The following UGT3A2 variants were observed in gnomAD, a reference collection of about 807,000 sequenced individuals.
The protein encoded by UGT3A2 is UDP glycosyltransferase family 3 member A2, also known as UDP-glycosyltransferase 3A2.
Under a neutral mutation model 39.8 loss-of-function variants are expected in UGT3A2, and 32 were observed. The observed-to-expected ratio is 0.80, with a 90% confidence interval of 0.61 to 1.08. UGT3A2 has a LOEUF of 1.08. UGT3A2 is among the 50% of genes least tolerant of loss of function. The probability of loss-of-function intolerance (pLI) is 0.00; values close to 1 mark genes in which losing one functional copy is unlikely to be tolerated. For missense variants in UGT3A2, 611 were observed against 637.1 expected, an observed-to-expected ratio of 0.96 and a Z score of 0.44; for synonymous variants, 241 against 230.7, an observed-to-expected ratio of 1.04 and a Z score of -0.40.
rs951247418 is a variant in UGT3A2 at position 36,035,636 on chromosome 5, G to T, written c.*62C>A. ...AGAATGGGGCTGCCAGAACTAGTGG[G>T]AAGCTCCCTAGAAATGGTGACATCG... On this transcript the variant is annotated 3_prime_UTR_variant, in exon 7 of 7. Transcript: ENST00000282507. 7.4e-5 allele frequency: 116 copies of T among 1,570,106 alleles called. No homozygotes were observed. The highest frequency in any genetic ancestry group is 9.5e-5 in the Non-Finnish European group (110 of 1,155,396).
At chr5:36,054,450 T>C (rs1742443493) in intron 2 of UGT3A2, among the ~76,000 whole-genome samples, 1 of 152,198 alleles carries the variant, frequency 6.6e-6, no homozygotes, top group Non-Finnish European at 1.5e-5. Flanking sequence ...AATTATATTA[T>C]CAATTCAAAG....
chr5:36,046,913 G>T (rs1417395325), intron 4 of UGT3A2, among the ~76,000 whole-genome samples: 2 of 152,148 alleles, frequency 1.3e-5, no homozygotes, highest in Non-Finnish European at 2.9e-5. Flanking sequence ...TGTTTTGAAA[G>T]GAAAATAAAT....
rs1437188185 is a variant in UGT3A2, at chr5:36,035,892, C to T, written c.1378G>A (p.Asp460Asn). ...GCGCCCCCTGTCTGGAGGACGTGGT[C>T]AATCCAGCCCACCAGCCGCTGTGTG... ...SPTQRLVGWI[D>N]HVLQTGGATH... is the part of the protein sequence containing the mutation. Residue 460 changes from aspartate to asparagine, a missense_variant, in exon 7 of 7, where the codon GAC becomes AAC. By Grantham distance (23) the Asp-to-Asn change is conservative (BLOSUM62 1). Transcript: ENST00000282507. The T allele has an allele frequency of 6.2e-7, 1 of 1,614,162 alleles. No homozygotes were observed. The highest frequency in any genetic ancestry group is 8.5e-7 in the Non-Finnish European group (1 of 1,180,022).
intron 4 of UGT3A2, among the ~76,000 whole-genome samples, chr5:36,040,376 C>T (rs1741969053): frequency 6.6e-6 from 1 of 152,154 alleles, no homozygotes; most frequent in Non-Finnish European, 1.5e-5. Flanking sequence ...AAATTAACAA[C>T]TATCCACAAG....
Position 36,037,932 on chromosome 5 carries a change from C to T in UGT3A2, c.1160G>A (p.Gly387Glu), listed in dbSNP as rs578176102. ...AGGCTGGTCTCCAAAGAGAGGGATC[C>T]CCACCATGGGCACACCATGCTGGAT... Reference protein sequence around the residue: ...EAIQHGVPMVGIPLFGDQPEN... With the variant: ...EAIQHGVPMVEIPLFGDQPEN... Residue 387 changes from glycine to glutamate, a missense_variant, in exon 6 of 7, where the codon GGG (glycine) becomes GAG (glutamate). Gly to Glu is a moderately conservative substitution (Grantham distance 98). Coordinates refer to ENST00000282507, the MANE Select transcript of UGT3A2 (RefSeq NM_174914.4). 2.4e-5 allele frequency: 38 copies of T among 1,614,142 alleles called. No individual in the cohort carries two copies. In the South Asian group the frequency reaches 4.2e-4, roughly 18 times the overall value.
chr5:36,052,582 C>T (rs1742380226), intron 2 of UGT3A2, among the ~76,000 whole-genome samples: 1 of 152,032 alleles, frequency 6.6e-6, no homozygotes, highest in South Asian at 2.1e-4. Flanking sequence ...TCTCTCTTAT[C>T]CCTGGTAGGA....
chr5:36,062,807 A>G (rs182291088), intron 2 of UGT3A2, among the ~76,000 whole-genome samples: 121 of 152,328 alleles, frequency 7.9e-4, no homozygotes, highest in African/African-American at 2.8e-3. Context: ...TGGGAGGCCA[A>G]GGCAGGAGGA....
intron 2 of UGT3A2, among the ~76,000 whole-genome samples, chr5:36,053,326 CA>C (rs1401669601): frequency 6.6e-6 from 1 of 152,170 alleles, no homozygotes; most frequent in Non-Finnish European, 1.5e-5. Context: ...TATTAAGAAA[CA>C]ATTATTGAGC....
intron 4 of UGT3A2, among the ~76,000 whole-genome samples, chr5:36,045,536 T>C (rs2111716775): frequency 6.7e-6 from 1 of 149,606 alleles, no homozygotes; most frequent in Admixed American, 6.7e-5. Flanking sequence ...GAGGTTGCAG[T>C]GAGCCAAGAT....
At chr5:36,058,736 C>T (rs746441109) in intron 2 of UGT3A2, among the ~76,000 whole-genome samples, 2 of 151,906 alleles carry the variant, frequency 1.3e-5, no homozygotes, top group African/African-American at 2.4e-5. Context: ...CCCTGGCCCC[C>T]TTCTTTATAA....
intron 2 of UGT3A2, among the ~76,000 whole-genome samples, chr5:36,059,361 CTTTT>C (rs35872759): frequency 1.7e-5 from 2 of 118,738 alleles, no homozygotes; most frequent in African/African-American, 3.2e-5. Flanking sequence ...TTTCTTTTCT[CTTTT>C]TTTTTTTTTT....
chr5:36,035,868 C>G lies in UGT3A2; in HGVS notation c.1402G>C (p.Ala468Pro). The change falls in exon 7 of 7, where the codon GCG (alanine) becomes CCG (proline). Residue 468 changes from alanine to proline, a missense_variant. Coordinates refer to ENST00000282507, the MANE Select transcript of UGT3A2 (RefSeq NM_174914.4). The part of the protein sequence containing the change: ...WIDHVLQTGG[A>P]THLKPYVFQQ... ...AAGACATAGGGCTTGAGGTGCGTCGCGCCCCCTGTCTGGAGGACGTGGTCA... is the reference window on the plus strand; with the variant it reads ...AAGACATAGGGCTTGAGGTGCGTCGGGCCCCCTGTCTGGAGGACGTGGTCA... 1.2e-6 allele frequency: 2 copies of G among 1,614,180 alleles called. No homozygotes were observed. The highest frequency in any genetic ancestry group is 1.6e-4 in the Middle Eastern group (1 of 6,062).
intron 4 of UGT3A2, among the ~76,000 whole-genome samples, chr5:36,040,479 G>A (rs889379440): frequency 6.6e-6 from 1 of 152,160 alleles, no homozygotes; most frequent in African/African-American, 2.4e-5. Flanking sequence ...TGAGAAGGTA[G>A]GAAAGACAGT....
chr5:36,036,278 G>A (rs1741828473), intron 6 of UGT3A2, among the ~76,000 whole-genome samples: 1 of 152,060 alleles, frequency 6.6e-6, no homozygotes, highest in Admixed American at 6.5e-5. Flanking sequence ...CATATACATG[G>A]AGCACCTCCA....
At chr5:36,051,740 A>G (rs111283991) in intron 3 of UGT3A2, 130 bp downstream of exon 3, 1 of 631,902 alleles carries the variant, frequency 1.6e-6, no homozygotes. Flanking sequence ...CCATCCGTCC[A>G]TCCATCCATC....
At chr5:36,053,624 G>A (rs754457854) in intron 2 of UGT3A2, among the ~76,000 whole-genome samples, 1 of 152,188 alleles carries the variant, frequency 6.6e-6, no homozygotes, top group Non-Finnish European at 1.5e-5. Context: ...TATCATGGCT[G>A]TTTCAGTTTC....
intron 2 of UGT3A2, among the ~76,000 whole-genome samples, chr5:36,058,550 T>C (rs1000771062): frequency 1.2e-4 from 19 of 152,046 alleles, no homozygotes; most frequent in Non-Finnish European, 2.9e-5. Flanking sequence ...GTGCAGTGCT[T>C]CTTGTGATTA....
Position 36,061,467 on chromosome 5 carries a change from A to C in UGT3A2, c.196+2782T>G, listed in dbSNP as rs200678924. Among the ~76,000 whole-genome samples the C allele has an allele frequency of 4.2e-4, 51 of 120,970 alleles. 1 individual carries two copies. Among genetic ancestry groups the C allele is most frequent in the African/African-American group, 1.5e-3 (48 of 31,018 alleles). The allele number at this position is 120,970 out of a possible 152,430, so 79.4% of individuals were successfully genotyped here. On this transcript the variant is annotated intron_variant, in intron 2 of 6. Coordinates refer to ENST00000282507, the MANE Select transcript of UGT3A2 (RefSeq NM_174914.4). ...CATGTGATCTCATTGTTCAATTCCC[A>C]CCTATAAGTGAGAATATGCGGTGTT...
intron 2 of UGT3A2, among the ~76,000 whole-genome samples, chr5:36,059,006 G>C (rs1742602021): frequency 6.6e-6 from 1 of 152,142 alleles, no homozygotes; most frequent in Non-Finnish European, 1.5e-5. Flanking sequence ...GAAATAAATA[G>C]AGATAGAAAC....
Sources: allele counts gnomAD v4.1 joint callset (sites outside exome capture counted in the v4.1 genomes callset), GRCh38; gene constraint gnomAD v4.1.1; transcripts MANE v1.5; gene names NCBI Gene and HGNC (gene_info 2026-07-23, HGNC 2026-07-21).